Variants in MAN1B1 observed in about 807,000 individuals in gnomAD.
MAN1B1 encodes the protein endoplasmic reticulum mannosyl-oligosaccharide 1,2-alpha-mannosidase.
In MAN1B1, 66 loss-of-function variants were observed where a neutral mutation model predicts 75.5. The ratio of observed to expected loss-of-function variants is 0.87; its 90% CI spans 0.72 to 1.07. The LOEUF (loss-of-function observed/expected upper bound fraction) is 1.07, where lower values mean the gene tolerates loss of function less well. MAN1B1 is among the 50% of genes least tolerant of loss of function. The pLI is 0.00. For synonymous variants in MAN1B1, 453 were observed against 382.8 expected, an observed-to-expected ratio of 1.18 and a Z score of -2.14; for missense variants, 973 against 912.5, an observed-to-expected ratio of 1.07 and a Z score of -0.85.
intron 8 of MAN1B1, 85 bp from the exon 9 acceptor site, chr9:137,106,040 G>A (rs1359951702): frequency 7.5e-6 from 8 of 1,069,978 alleles, no homozygotes; most frequent in Non-Finnish European, 1.1e-5. Flanking sequence ...GGGGCGAGGG[G>A]AGGCAGAGCT....
chr9:137,088,273 G>A, intron 2 of MAN1B1, 90 bp downstream of exon 2: 6 of 1,612,742 alleles, frequency 3.7e-6, no homozygotes, highest in Non-Finnish European at 5.1e-6. Flanking sequence ...AACAGCTCCA[G>A]GAGGCATATA....
chr9:137,089,127 C>T (rs1830456902), intron 3 of MAN1B1, 122 bp downstream of exon 3: 4 of 1,247,596 alleles, frequency 3.2e-6, no homozygotes, highest in East Asian at 2.3e-5. Context: ...ACCTCTCTCT[C>T]GTTTTGGACT....
chr9:137,103,295 T>TTAC, intron 8 of MAN1B1: 1 of 358,668 alleles, frequency 2.8e-6, no homozygotes, highest in Admixed American at 3.2e-5. Flanking sequence ...AGGTCGGTGG[T>TTAC]ACATTCATGC....
Position 137,108,868 on chromosome 9 carries a change from AG to A in MAN1B1, c.*279del. 2 of 605,914 alleles carry A rather than the reference AG, an allele frequency of 3.3e-6. No individual in the cohort carries two copies. The highest frequency in any genetic ancestry group is 3.0e-5 in the South Asian group (2 of 65,832). 37.5% of individuals were successfully genotyped at this position (605,914 alleles called of 1,614,324 possible). A position where few individuals can be genotyped will look rare whatever the true frequency, so the allele number is the denominator to read the frequency against. ...GACTCACGATTGCTGAAGCCTGAGC[AG>A]GTCTCTGTGGGCCGACCAGAGGGGG... On this transcript the variant is annotated 3_prime_UTR_variant, in exon 13 of 13. Transcript: ENST00000371589.
intron 2 of MAN1B1, 99 bp downstream of exon 2, chr9:137,088,282 T>C: frequency 6.2e-7 from 1 of 1,612,116 alleles, no homozygotes; most frequent in Non-Finnish European, 8.5e-7. Flanking sequence ...AGGAGGCATA[T>C]ATGGCAACGA....
At chr9:137,088,718 C>T in intron 2 of MAN1B1, 151 bp from the exon 3 acceptor site, 2 of 904,480 alleles carry the variant, frequency 2.2e-6, no homozygotes, top group Non-Finnish European at 1.7e-6. Context: ...ATTTCATTCC[C>T]TTGGGACATT....
intron 1 of MAN1B1, chr9:137,087,505 C>G: frequency 1.6e-6 from 1 of 637,516 alleles, no homozygotes; most frequent in South Asian, 1.5e-5. Context: ...AAGGTCCTGG[C>G]CCAGGCGCCT....
rs1040184876 is a variant in MAN1B1 at position 137,096,385 on chromosome 9, T to A, written c.614T>A (p.Val205Asp). The part of the protein sequence containing the change: ...PRPEGDPQRT[V>D]ISWRGAVIEP... ...CCGGAAGGAGATCCGCAGAGGACAG[T>A]CATCAGGTACAGAGCGCAGGGCAGG... Residue 205 changes from valine (V) to aspartate (D), a missense_variant, in exon 4 of 13, where the codon GTC (valine) becomes GAC (aspartate). By Grantham distance (152) the Val-to-Asp change is radical. Transcript: ENST00000371589. 1.9e-6 allele frequency: 3 copies of A among 1,613,572 alleles called. No homozygotes were observed. The highest frequency in any genetic ancestry group is 2.5e-6 in the Non-Finnish European group (3 of 1,179,896).
intron 5 of MAN1B1, 29 bp from the exon 6 acceptor site, chr9:137,099,667 C>T (rs372695558): frequency 6.2e-7 from 1 of 1,612,980 alleles, no homozygotes; most frequent in African/African-American, 1.3e-5. Context: ...CCACGTCCGC[C>T]ATGGCCTGTG....
At chr9:137,108,129 C>T (rs1466402570) in intron 12 of MAN1B1, 14 of 610,646 alleles carry the variant, frequency 2.3e-5, no homozygotes, top group Admixed American at 5.8e-5. Context: ...GTGCCCTGTG[C>T]GGCAACTGTG....
At chr9:137,107,805 C>A in intron 12 of MAN1B1, 143 bp downstream of exon 12, 3 of 1,183,160 alleles carry the variant, frequency 2.5e-6, no homozygotes, top group Non-Finnish European at 3.7e-6. Flanking sequence ...CTCGGGGTGG[C>A]CACACTGCAG....
chr9:137,087,594 T>C (rs1052190278), intron 1 of MAN1B1: 4 of 482,524 alleles, frequency 8.3e-6, no homozygotes, highest in African/African-American at 7.8e-5. Flanking sequence ...CCCCTCTTGA[T>C]TGGCTCCTGG....
intron 8 of MAN1B1, chr9:137,101,895 A>ATGGG (rs1564286304): frequency 4.0e-6 from 2 of 497,812 alleles, no homozygotes; most frequent in African/African-American, 3.5e-5. Flanking sequence ...ACACATTCAC[A>ATGGG]CTGTTGCAGG....
chr9:137,089,106 AC>A, intron 3 of MAN1B1, 101 bp downstream of exon 3: 1 of 1,430,944 alleles, frequency 7.0e-7, no homozygotes, highest in Non-Finnish European at 9.9e-7. Context: ...ACCATTTATT[AC>A]CACGTGTTTA....
At chr9:137,102,373 A>G in intron 8 of MAN1B1, 1 of 420,074 alleles carries the variant, frequency 2.4e-6, no homozygotes, top group Non-Finnish European at 4.6e-6. Context: ...ACGCTGTTGC[A>G]GACGTGCAGG....
intron 4 of MAN1B1, 118 bp downstream of exon 4, chr9:137,096,509 T>A: frequency 3.0e-6 from 4 of 1,317,210 alleles, no homozygotes; most frequent in Non-Finnish European, 4.3e-6. Context: ...CAGTGTATGC[T>A]CTGTAATCTG....
intron 6 of MAN1B1, among the ~76,000 whole-genome samples, chr9:137,100,763 G>T (rs528651344): frequency 1.2e-3 from 189 of 152,250 alleles, no homozygotes; most frequent in African/African-American, 4.5e-3. Context: ...GGGACCACAG[G>T]CATGCGCCAC....
Position 137,109,025 on chromosome 9 carries a change from A to T in MAN1B1, c.*434A>T, listed in dbSNP as rs1430767035. On this transcript the variant is annotated 3_prime_UTR_variant, in exon 13 of 13. Transcript: ENST00000371589. ...GGGCTGCCGTGACTCCAGAGGCCTG[A>T]GGCTCCAGGGCTGGCTCTGGTGTTT... The T allele has an allele frequency of 8.7e-6, 4 of 458,900 alleles. No individual in the cohort carries two copies. The highest frequency in any genetic ancestry group is 6.0e-5 in the African/African-American group (3 of 50,126). 28.4% of individuals were successfully genotyped at this position (458,900 alleles called of 1,614,324 possible).
chr9:137,101,852 C>A (rs573717782), intron 8 of MAN1B1, 180 bp downstream of exon 8: 1 of 801,930 alleles, frequency 1.2e-6, no homozygotes. Flanking sequence ...GTTACATTCA[C>A]GCTGTTGCAG....
Sources: allele counts gnomAD v4.1 joint callset (sites outside exome capture counted in the v4.1 genomes callset), GRCh38; gene constraint gnomAD v4.1.1; transcripts MANE v1.5; gene names NCBI Gene and HGNC (gene_info 2026-07-23, HGNC 2026-07-21).